The following PLCXD3 variants were observed in gnomAD, a reference collection of about 807,000 sequenced individuals.
The protein encoded by PLCXD3 is PI-PLC X domain-containing protein 3.
PLCXD3 carries 19 observed loss-of-function variants against 25.5 expected under a neutral mutation model. That is an observed-to-expected ratio of 0.75 (90% CI 0.52 to 1.09). PLCXD3 has a LOEUF of 1.09. Among genes scored for constraint, PLCXD3 ranks in the 50% least tolerant of loss-of-function variants. The pLI is 0.00. For missense variants in PLCXD3, 411 were observed against 388.1 expected (o/e 1.06, Z -0.50); for synonymous variants, 174 against 137.6 (o/e 1.26, Z -1.85).
chr5:41,324,661 T>G (rs1421397163), intron 2 of PLCXD3, among the ~76,000 whole-genome samples: 3 of 152,224 alleles, frequency 2.0e-5, no homozygotes, highest in Non-Finnish European at 2.9e-5. Flanking sequence ...TGACAGTATG[T>G]GTGTAGCCAC....
intron 1 of PLCXD3, among the ~76,000 whole-genome samples, chr5:41,494,026 C>A (rs767323987): frequency 1.3e-5 from 2 of 152,220 alleles, no homozygotes; most frequent in Admixed American, 1.3e-4. Context: ...CCGTGTTCTG[C>A]GTTGCTCACG....
At chr5:41,482,255 C>G (rs1580395102) in intron 1 of PLCXD3, among the ~76,000 whole-genome samples, 1 of 152,150 alleles carries the variant, frequency 6.6e-6, no homozygotes, top group East Asian at 1.9e-4. Flanking sequence ...TAACCTGGAA[C>G]ACACTCACTG....
intron 1 of PLCXD3, among the ~76,000 whole-genome samples, chr5:41,469,875 A>G (rs1356091958): frequency 6.6e-6 from 1 of 152,188 alleles, no homozygotes. Context: ...CCCAAATTAA[A>G]GTTCTTAGGT....
At chr5:41,337,285 T>C (rs1424544151) in intron 2 of PLCXD3, among the ~76,000 whole-genome samples, 1 of 152,110 alleles carries the variant, frequency 6.6e-6, no homozygotes, top group African/African-American at 2.4e-5. Flanking sequence ...TCTCTCTGGA[T>C]ACCATGAAGC....
chr5:41,459,590 A>T (rs1448528602), intron 1 of PLCXD3, among the ~76,000 whole-genome samples: 1 of 151,784 alleles, frequency 6.6e-6, no homozygotes, highest in East Asian at 1.9e-4. Flanking sequence ...AAAATAACAC[A>T]CACAGAATAT....
At chr5:41,369,515 C>G (rs1745031488) in intron 2 of PLCXD3, among the ~76,000 whole-genome samples, 1 of 152,156 alleles carries the variant, frequency 6.6e-6, no homozygotes, top group Non-Finnish European at 1.5e-5. Context: ...GGGTCTTGCT[C>G]TGTCACCCAG....
chr5:41,423,859 G>A (rs952979427), intron 1 of PLCXD3, among the ~76,000 whole-genome samples: 1 of 152,000 alleles, frequency 6.6e-6, no homozygotes, highest in Non-Finnish European at 1.5e-5. Context: ...ATATATTTAA[G>A]GTGTACAACT....
At chr5:41,403,401 G>GTTTTGTTTTGTTTTTGTTTT (rs1746251131) in intron 1 of PLCXD3, among the ~76,000 whole-genome samples, 1 of 18,394 alleles carries the variant, frequency 5.4e-5, no homozygotes, top group African/African-American at 1.8e-4. Flanking sequence ...CTTATTTGTT[G>GTTTTGTTTTGTTTTTGTTTT]TTTTTTTTTT....
rs146584215 is a variant in PLCXD3, at chr5:41,336,246, T to C, written c.813-22476A>G. Among the ~76,000 whole-genome samples, 8 of 152,248 alleles carry C rather than the reference T, an allele frequency of 5.3e-5. No individual in the cohort carries two copies. The East Asian group carries it at 9.7e-4, about 18-fold the overall frequency. On this transcript the variant is annotated intron_variant, in intron 2 of 2. Coordinates refer to ENST00000377801, the MANE Select transcript of PLCXD3 (RefSeq NM_001005473.3). ...TACATTATAGATAGGTGGTATGGCA[T>C]AGAGGATAAGAGTGAAGACTTTGGA...
chr5:41,344,355 A>G (rs1189176807), intron 2 of PLCXD3, among the ~76,000 whole-genome samples: 2 of 152,186 alleles, frequency 1.3e-5, no homozygotes, highest in East Asian at 3.8e-4. Context: ...TCTTATTCAA[A>G]TAAAAGGTAG....
In PLCXD3 at chr5:41,421,820, TAAGTC is replaced by T. The variant is rs1159301927; in HGVS notation, c.104-39291_104-39287del. ...GCTGATTTGAAAGAATATTCAAACA[TAAGTC>T]AACTCAGGTGTGCTAAAAAACTTTT... On this transcript the variant is annotated intron_variant, in intron 1 of 2. Coordinates refer to ENST00000377801, the MANE Select transcript of PLCXD3 (RefSeq NM_001005473.3). Among the ~76,000 whole-genome samples, 6 of 152,356 alleles carry T rather than the reference TAAGTC, an allele frequency of 3.9e-5. No homozygotes were observed. In the East Asian group the frequency reaches 1.2e-3, roughly 29 times the overall value.
At position 41,426,155 on chromosome 5, in the gene PLCXD3, T is replaced by A. The variant is rs180920845; in HGVS notation, c.104-43621A>T. Among the ~76,000 whole-genome samples, 51 of 151,518 alleles carry A rather than the reference T, an allele frequency of 3.4e-4. No homozygotes were observed. In the East Asian group the frequency reaches 6.2e-3, roughly 18 times the overall value. On this transcript the variant is annotated intron_variant, in intron 1 of 2. Transcript: ENST00000377801. ...TGGATTTGGGTCATTCTAATAGGTATGTAGTGGTATCTCATTGTTGTTTTA... is the reference window on the plus strand; with the variant it reads ...TGGATTTGGGTCATTCTAATAGGTAAGTAGTGGTATCTCATTGTTGTTTTA...
chr5:41,472,045 G>A (rs1033709161), intron 1 of PLCXD3, among the ~76,000 whole-genome samples: 4 of 133,654 alleles, frequency 3.0e-5, no homozygotes, highest in Admixed American at 1.6e-4. Context: ...CTCCTACTTT[G>A]ACAACCAAGA....
At position 41,389,171 on chromosome 5, in the gene PLCXD3, G is replaced by A. The variant is rs142116248; in HGVS notation, c.104-6637C>T. On this transcript the variant is annotated intron_variant, in intron 1 of 2. Transcript: ENST00000377801. The stretch of plus-strand genomic sequence containing the variant: ...ACTGGAGACAGAGAAACCAGTTAAA[G>A]CCTATTGATGTGCTGGTGATTTGAG... 2.8e-4 allele frequency among the ~76,000 whole-genome samples: 42 copies of A among 152,110 alleles called. 1 individual carries two copies. In the East Asian group the frequency reaches 7.9e-3, roughly 29 times the overall value.
chr5:41,339,047 G>T (rs989812212), intron 2 of PLCXD3, among the ~76,000 whole-genome samples: 1 of 152,022 alleles, frequency 6.6e-6, no homozygotes, highest in Non-Finnish European at 1.5e-5. Flanking sequence ...TTCCTTCATG[G>T]CTTCTTCTGC....
At chr5:41,356,033 G>C (rs1050684022) in intron 2 of PLCXD3, among the ~76,000 whole-genome samples, 1 of 152,146 alleles carries the variant, frequency 6.6e-6, no homozygotes, top group Non-Finnish European at 1.5e-5. Flanking sequence ...GGGAGGCTGA[G>C]GTGTGTGGAT....
At chr5:41,417,143 G>C (rs1272399354) in intron 1 of PLCXD3, among the ~76,000 whole-genome samples, 1 of 152,116 alleles carries the variant, frequency 6.6e-6, no homozygotes, top group Non-Finnish European at 1.5e-5. Context: ...CACTGAAATA[G>C]CACTTTGTAA....
chr5:41,495,296 C>A (rs1195693393), intron 1 of PLCXD3, among the ~76,000 whole-genome samples: 2 of 152,170 alleles, frequency 1.3e-5, no homozygotes, highest in East Asian at 3.8e-4. Flanking sequence ...GCTAATGAGA[C>A]CCAGAGTATT....
At chr5:41,424,032 A>G (rs1007055912) in intron 1 of PLCXD3, among the ~76,000 whole-genome samples, 2 of 152,132 alleles carry the variant, frequency 1.3e-5, no homozygotes, top group Non-Finnish European at 2.9e-5. Flanking sequence ...CTATAGTCAC[A>G]CTGCTATACA....
Sources: gnomAD v4.1 joint callset for allele counts (sites outside exome capture counted in the v4.1 genomes callset) on GRCh38, gnomAD v4.1.1 for gene constraint, MANE v1.5 for transcripts, NCBI Gene and HGNC (gene_info 2026-07-23, HGNC 2026-07-21) for gene names.